The following CAMLG variants were observed in gnomAD, a reference collection of about 807,000 sequenced individuals.
CAMLG encodes calcium modulating ligand.
In CAMLG, 23 loss-of-function variants were observed where a neutral mutation model predicts 28.9. The ratio of observed to expected loss-of-function variants is 0.80; its 90% CI spans 0.57 to 1.13. The LOEUF is 1.13. Among genes scored for constraint, CAMLG ranks in the 50% most tolerant of loss-of-function variants. The pLI is 0.00. For missense variants in CAMLG, 367 were observed against 371.9 expected (o/e 0.99, Z 0.11); for synonymous variants, 141 against 146.5 (o/e 0.96, Z 0.27).
At chr5:134,743,948 T>C in intron 2 of CAMLG, 39 bp from the exon 3 acceptor site, 1 of 886,942 alleles carries the variant, frequency 1.1e-6, no homozygotes, top group Non-Finnish European at 1.8e-6. Flanking sequence ...TTTGAATGAT[T>C]ATGTTGGAAA....
rs767244273 is a variant in CAMLG at position 134,750,863 on chromosome 5, C to T, written c.804C>T (p.Gly268=). 7.4e-6 allele frequency: 12 copies of T among 1,613,610 alleles called. No homozygotes were observed. The East Asian group carries it at 8.9e-5, about 12-fold the overall frequency. ...CAATGGATACCTATAGCAAAATGGG[C>T]GAAGTCTTCACAGATCTCTGTGTCT... ...NRSMDTYSKM[G]EVFTDLCVYF... Residue 268 remains glycine (G), a synonymous_variant, in exon 4 of 4, where the codon GGC becomes GGT. Coordinates refer to ENST00000297156, the MANE Select transcript of CAMLG (RefSeq NM_001745.4).
At chr5:134,750,716 C>T (rs1260530948) in intron 3 of CAMLG, 43 bp from the exon 4 acceptor site, 2 of 1,404,702 alleles carry the variant, frequency 1.4e-6, no homozygotes, top group South Asian at 1.2e-5. Flanking sequence ...TTAATGTAGC[C>T]TGCTGAAACT....
Position 134,738,564 on chromosome 5 carries a change from C to T in CAMLG, c.-57C>T, listed in dbSNP as rs1752944878. ...CGGCCCGGCCTCTAGTCATCGCCCT[C>T]GCAGCGGCGGCCAACATCACCGCCA... On this transcript the variant is annotated 5_prime_UTR_variant, in exon 1 of 4. Coordinates refer to ENST00000297156, the MANE Select transcript of CAMLG (RefSeq NM_001745.4). 1.4e-6 allele frequency: 2 copies of T among 1,430,590 alleles called. No homozygotes were observed. Among genetic ancestry groups the T allele is most frequent in the Non-Finnish European group, 1.9e-6 (2 of 1,060,790 alleles). The allele number at this position is 1,430,590 out of a possible 1,614,324, so 88.6% of individuals were successfully genotyped here.
intron 3 of CAMLG, among the ~76,000 whole-genome samples, chr5:134,747,964 C>G (rs552604682): frequency 6.6e-6 from 1 of 151,100 alleles, no homozygotes; most frequent in Non-Finnish European, 1.5e-5. Flanking sequence ...CAGGTTCAAG[C>G]GATTCCCCTG....
chr5:134,744,542 AAAAAGAGTAATTAG>A (rs1753023322), intron 3 of CAMLG, among the ~76,000 whole-genome samples: 1 of 151,956 alleles, frequency 6.6e-6, no homozygotes, highest in Non-Finnish European at 1.5e-5. Context: ...AAAAAAAAAA[AAAAAGAGTAATTAG>A]AAACTTTTAT....
At chr5:134,740,936 G>T (rs756933851) in intron 1 of CAMLG, 127 bp from the exon 2 acceptor site, 5 of 668,586 alleles carry the variant, frequency 7.5e-6, no homozygotes, top group East Asian at 2.7e-5. Context: ...ATGCAGAATC[G>T]GTATTTATTT....
intron 3 of CAMLG, among the ~76,000 whole-genome samples, chr5:134,747,504 C>T (rs1370974167): frequency 6.6e-6 from 1 of 151,934 alleles, no homozygotes; most frequent in Non-Finnish European, 1.5e-5. Context: ...CCATCACGGC[C>T]GGCTAATTTT....
intron 3 of CAMLG, 56 bp from the exon 4 acceptor site, chr5:134,750,703 A>C (rs1753102982): frequency 1.6e-6 from 2 of 1,228,180 alleles, no homozygotes; most frequent in African/African-American, 1.5e-5. Flanking sequence ...GTTTGTATAG[A>C]GCTTAATGTA....
rs1255959511 is a variant in CAMLG at position 134,738,796 on chromosome 5, A to G, written c.172+4A>G. The G allele has an allele frequency of 1.9e-6, 3 of 1,613,934 alleles. No individual in the cohort carries two copies. The highest frequency in any genetic ancestry group is 2.5e-6 in the Non-Finnish European group (3 of 1,179,918). Reference sequence around the variant, plus strand: ...CACAGGCCCGGGAGCGGCGCGGGTAAGAGCCTCGATTTCCCCTCAGTCTCC... The same window carrying G: ...CACAGGCCCGGGAGCGGCGCGGGTAGGAGCCTCGATTTCCCCTCAGTCTCC... On this transcript the variant is annotated splice_donor_region_variant and intron_variant, in intron 1 of 3. Coordinates refer to ENST00000297156, the MANE Select transcript of CAMLG (RefSeq NM_001745.4).
At chr5:134,741,873 G>T (rs917210221) in intron 2 of CAMLG, among the ~76,000 whole-genome samples, 1 of 152,174 alleles carries the variant, frequency 6.6e-6, no homozygotes, top group African/African-American at 2.4e-5. Context: ...TTGAACCCGG[G>T]AGGTGGAGGT....
chr5:134,741,705 T>TA (rs2150120944), intron 2 of CAMLG, among the ~76,000 whole-genome samples, 182 bp downstream of exon 2: 1 of 152,376 alleles, frequency 6.6e-6, no homozygotes, highest in African/African-American at 2.4e-5. Flanking sequence ...TCTGGTTAAA[T>TA]ACAGAGCCTA....
At chr5:134,739,713 T>C (rs1222465656) in intron 1 of CAMLG, among the ~76,000 whole-genome samples, 2 of 152,238 alleles carry the variant, frequency 1.3e-5, no homozygotes, top group Non-Finnish European at 2.9e-5. Flanking sequence ...CTCTGAACTT[T>C]TAGGCAGTTC....
rs1753081543 is a variant in CAMLG at position 134,748,941 on chromosome 5, TTATC to T, written c.700-1815_700-1812del. On this transcript the variant is annotated intron_variant, in intron 3 of 3. Transcript: ENST00000297156. ...TACTACATTGTATGACTATATCCAT[TTATC>T]TAGTCTCCTATAGATGGACATCCTG... Among the ~76,000 whole-genome samples the T allele has an allele frequency of 2.0e-5, 3 of 152,332 alleles. No individual in the cohort carries two copies. The South Asian group carries it at 6.2e-4, about 32-fold the overall frequency.
intron 2 of CAMLG, among the ~76,000 whole-genome samples, chr5:134,741,819 GC>G (rs1752989776): frequency 1.3e-5 from 2 of 152,236 alleles, no homozygotes; most frequent in East Asian, 3.9e-4. Flanking sequence ...GGTGGTGCAC[GC>G]CTGTAATCCC....
At chr5:134,740,997 CAT>C in intron 1 of CAMLG, 64 bp from the exon 2 acceptor site, 1 of 1,056,452 alleles carries the variant, frequency 9.5e-7, no homozygotes, top group Non-Finnish European at 1.4e-6. Flanking sequence ...TATTTTAAAA[CAT>C]AAACATGTAA....
intron 1 of CAMLG, among the ~76,000 whole-genome samples, 185 bp downstream of exon 1, chr5:134,738,977 G>T (rs973704170): frequency 6.6e-5 from 10 of 151,826 alleles, no homozygotes; most frequent in African/African-American, 2.4e-4. Flanking sequence ...GTTCCTAGTC[G>T]CTCCCCTCAA....
At position 134,745,750 on chromosome 5, in the gene CAMLG, C is replaced by CA. The variant is rs57899213; in HGVS notation, c.699+1711dup. 5.4e-3 allele frequency among the ~76,000 whole-genome samples: 633 copies of CA among 116,868 alleles called. 1 individual carries two copies. Among genetic ancestry groups the CA allele is most frequent in the African/African-American group, 0.014 (456 of 33,338 alleles). The allele number at this position is 116,868 out of a possible 152,430, so 76.7% of individuals were successfully genotyped here. ...CCTGGGCAACAGAGCGAGACTGTCTCAAAAAAAAAAAAAGAAAATCACCTT... is the reference window on the plus strand; with the variant it reads ...CCTGGGCAACAGAGCGAGACTGTCTCAAAAAAAAAAAAAAGAAAATCACCTT... On this transcript the variant is annotated intron_variant, in intron 3 of 3. Coordinates refer to ENST00000297156, the MANE Select transcript of CAMLG (RefSeq NM_001745.4).
intron 3 of CAMLG, among the ~76,000 whole-genome samples, chr5:134,746,589 G>A (rs987367307): frequency 1.5e-4 from 23 of 151,902 alleles, no homozygotes; most frequent in Admixed American, 1.4e-3. Context: ...TCATTCTCCT[G>A]CCTCAGCCTG....
rs1207716471 is a variant in CAMLG, at chr5:134,750,948, TG to T, written c.890del (p.Ter297=). 30 of 1,609,034 alleles carry T rather than the reference TG, an allele frequency of 1.9e-5. No individual in the cohort carries two copies. Among genetic ancestry groups the T allele is most frequent in the Non-Finnish European group, 2.5e-5 (29 of 1,177,308 alleles). ...TGATTATTGGGGCTCTGAAGTACCATGAAGCCTGTAGAACTGAGAAGGAGAA... is the reference window on the plus strand; with the variant it reads ...TGATTATTGGGGCTCTGAAGTACCATAAGCCTGTAGAACTGAGAAGGAGAA... ...LLDYWGSEVP* is the reference protein window; with the variant it reads ...LLDYWGSEVPX On this transcript the variant is annotated frameshift_variant and stop_lost, in exon 4 of 4. Coordinates refer to ENST00000297156, the MANE Select transcript of CAMLG (RefSeq NM_001745.4). LOFTEE classifies it high-confidence loss of function.
Sources: allele counts gnomAD v4.1 joint callset (sites outside exome capture counted in the v4.1 genomes callset), GRCh38; gene constraint gnomAD v4.1.1; transcripts MANE v1.5; gene names NCBI Gene and HGNC (gene_info 2026-07-23, HGNC 2026-07-21).